Variants in RAB3IL1 observed in about 807,000 individuals in gnomAD.
RAB3IL1 encodes the protein RAB3A interacting protein like 1.
In RAB3IL1, 37 loss-of-function variants were observed where a neutral mutation model predicts 49.2. That is an observed-to-expected ratio of 0.75 (90% CI 0.58 to 0.99). RAB3IL1 has a LOEUF of 0.99. Among genes scored for constraint, RAB3IL1 ranks in the 50% least tolerant of loss-of-function variants. The probability of loss-of-function intolerance (pLI) is 0.00; values close to 1 mark genes in which losing one functional copy is unlikely to be tolerated. For synonymous variants in RAB3IL1, 193 were observed against 213.9 expected (o/e 0.90, Z 0.85); for missense variants, 484 against 513.0 (o/e 0.94, Z 0.55).
chr11:61,925,044 A>T (rs1194044317), upstream of RAB3IL1, among the ~76,000 whole-genome samples: 1 of 152,194 alleles, frequency 6.6e-6, no homozygotes, highest in East Asian at 1.9e-4. Context: ...GGTGAACTGG[A>T]GACTGTGCTA....
At chr11:61,940,138 C>T in the RAB3IL1 span, among the ~76,000 whole-genome samples, 4 of 152,024 alleles carry the variant, frequency 2.6e-5, no homozygotes, top group Non-Finnish European at 4.4e-5. Flanking sequence ...GAGCAAGATG[C>T]TGTCTCTAAA....
upstream of RAB3IL1, among the ~76,000 whole-genome samples, chr11:61,922,273 C>T (rs1471998938): frequency 2.0e-5 from 3 of 151,978 alleles, no homozygotes; most frequent in Non-Finnish European, 4.4e-5. Flanking sequence ...GTAATCCCAG[C>T]ACTTTAGGAG....
Position 61,899,323 on chromosome 11 carries a change from G to T in RAB3IL1, c.1057C>A (p.Arg353=). ...YIRYIQQGLV[R]QDAEPMFWEI... ...ACCAGGGGGCGCTCACCGTCCTGCC[G>T]CACCAGGCCTTGCTGGATGTAGCGG... Residue 353 remains arginine (R), a synonymous_variant, in exon 9 of 10, where the codon CGG becomes AGG. Coordinates refer to ENST00000394836, the MANE Select transcript of RAB3IL1 (RefSeq NM_013401.4). 1 of 1,606,974 alleles carries T rather than the reference G, an allele frequency of 6.2e-7. No homozygotes were observed.
upstream of RAB3IL1, chr11:61,920,106 G>T (rs1002249554): frequency 1.5e-6 from 2 of 1,342,560 alleles, no homozygotes; most frequent in South Asian, 3.8e-5. Context: ...CTGATGGGGC[G>T]TAGCGGACAG....
rs1354294334 is a variant in RAB3IL1, at chr11:61,917,522, C to T, written c.-155G>A. 12 of 1,120,210 alleles carry T rather than the reference C, an allele frequency of 1.1e-5. No homozygotes were observed. In the South Asian group the frequency reaches 3.5e-4, roughly 32 times the overall value. The allele number at this position is 1,120,210 out of a possible 1,614,324, so 69.4% of individuals were successfully genotyped here. ...GGTCAGTAGGTCTCAGACGCCTGGG[C>T]TCGCGGCCCCCAGCCCAGCCCCGAC... On this transcript the variant is annotated 5_prime_UTR_variant, in exon 1 of 10. Coordinates refer to ENST00000394836, the MANE Select transcript of RAB3IL1 (RefSeq NM_013401.4).
At chr11:61,921,182 A>G (rs569010953), upstream of RAB3IL1, among the ~76,000 whole-genome samples, 7 of 151,850 alleles carry the variant, frequency 4.6e-5, no homozygotes, top group African/African-American at 1.2e-4. Flanking sequence ...AATTTTTTTT[A>G]TTTTTTGGAG....
At chr11:61,940,490 TTAAAAA>T in the RAB3IL1 span, among the ~76,000 whole-genome samples, 2 of 149,570 alleles carry the variant, frequency 1.3e-5, no homozygotes, top group South Asian at 2.1e-4. Flanking sequence ...TGAATAAAAA[TTAAAAA>T]TAAAAATGTG....
At chr11:61,934,452 A>ATGTATATGTATATATG in the RAB3IL1 span, among the ~76,000 whole-genome samples, 3 of 12,500 alleles carry the variant, frequency 2.4e-4, no homozygotes, top group African/African-American at 6.7e-4. Context: ...GTGTGTATGT[A>ATGTATATGTATATATG]TATATATATA....
At chr11:61,920,349 A>ATCTC, upstream of RAB3IL1, 1 of 971,418 alleles carries the variant, frequency 1.0e-6, no homozygotes, top group Non-Finnish European at 1.3e-6. Flanking sequence ...GACAGCCGCT[A>ATCTC]TCTCCTTCAA....
Position 61,906,325 on chromosome 11 carries a change from C to T in RAB3IL1, c.657+141G>A. 1.3e-6 allele frequency: 1 copy of T among 792,824 alleles called. No individual in the cohort carries two copies. The highest frequency in any genetic ancestry group is 2.7e-5 in the East Asian group (1 of 37,386). The allele number at this position is 792,824 out of a possible 1,614,324, so 49.1% of individuals were successfully genotyped here. A position where few individuals can be genotyped will look rare whatever the true frequency, so the allele number is the denominator to read the frequency against. ...GGAGGTTGGAGAGAAAGGACCTGCC[C>T]AGCCCTCACATCCCAGAGAGGCGCA... On this transcript the variant is annotated intron_variant, in intron 5 of 9. Coordinates refer to ENST00000394836, the MANE Select transcript of RAB3IL1 (RefSeq NM_013401.4). The surrounding 1 kb of genome is among the most constrained non-coding windows in gnomAD (Gnocchi z 4.6).
upstream of RAB3IL1, among the ~76,000 whole-genome samples, chr11:61,918,737 T>C (rs142331516): frequency 4.3e-3 from 662 of 152,356 alleles, 1 homozygote; most frequent in Middle Eastern, 0.02. Flanking sequence ...GTATGGAATC[T>C]GGAGAGTGGA....
chr11:61,930,499 C>T, the RAB3IL1 span, among the ~76,000 whole-genome samples: 2 of 152,114 alleles, frequency 1.3e-5, no homozygotes, highest in African/African-American at 2.4e-5. Flanking sequence ...AACTTTAAGA[C>T]GAATCATGGT....
the RAB3IL1 span, among the ~76,000 whole-genome samples, chr11:61,931,299 C>T: frequency 6.6e-6 from 1 of 152,156 alleles, no homozygotes; most frequent in African/African-American, 2.4e-5. Flanking sequence ...AATCCAAGAC[C>T]TCCAACCCTC....
intron 7 of RAB3IL1, among the ~76,000 whole-genome samples, chr11:61,903,686 GCTAA>G (rs1348393660): frequency 2.0e-5 from 3 of 152,126 alleles, no homozygotes; most frequent in Non-Finnish European, 4.4e-5. Flanking sequence ...ACCACACCCG[GCTAA>G]CTTTTATATC....
the RAB3IL1 span, chr11:61,945,894 G>T: frequency 1.2e-6 from 1 of 857,536 alleles, no homozygotes; most frequent in Non-Finnish European, 1.4e-6. Context: ...TCATGGGCAG[G>T]ACTGGGTTTG....
chr11:61,902,028 T>C (rs771524322), intron 8 of RAB3IL1, among the ~76,000 whole-genome samples: 1 of 152,130 alleles, frequency 6.6e-6, no homozygotes, highest in Non-Finnish European at 1.5e-5. Flanking sequence ...TAAATCAAGA[T>C]GTAAGGCTGG....
chr11:61,927,150 G>A, the RAB3IL1 span, among the ~76,000 whole-genome samples: 1 of 152,110 alleles, frequency 6.6e-6, no homozygotes, highest in Non-Finnish European at 1.5e-5. Context: ...AGCCAGATCT[G>A]ATTCTTAAAA....
At chr11:61,931,629 G>A in the RAB3IL1 span, among the ~76,000 whole-genome samples, 7 of 152,096 alleles carry the variant, frequency 4.6e-5, no homozygotes, top group African/African-American at 1.7e-4. Flanking sequence ...AAAAGAAGAG[G>A]AGGTGAAGAG....
intron 3 of RAB3IL1, 27 bp downstream of exon 3, chr11:61,907,538 A>G: frequency 1.9e-6 from 3 of 1,613,898 alleles, no homozygotes; most frequent in Non-Finnish European, 2.5e-6. Context: ...CCATTCCCCA[A>G]GTTGTTCCCG....
Sources: gnomAD v4.1 joint callset for allele counts (sites outside exome capture counted in the v4.1 genomes callset) on GRCh38, gnomAD v4.1.1 for gene constraint, Gnocchi (gnomAD v3.1) non-coding constraint, MANE v1.5 for transcripts, NCBI Gene and HGNC (gene_info 2026-07-23, HGNC 2026-07-21) for gene names.